Variants in DPYD observed in about 807,000 individuals in gnomAD.
DPYD encodes the protein dihydropyrimidine dehydrogenase.
Under a neutral mutation model 116.2 loss-of-function variants are expected in DPYD, and 109 were observed. That is an observed-to-expected ratio of 0.94 (90% CI 0.80 to 1.10). The LOEUF (loss-of-function observed/expected upper bound fraction) is 1.10. Among genes scored for constraint, DPYD ranks in the 50% least tolerant of loss-of-function variants. The pLI is 0.00. For synonymous variants in DPYD, 440 were observed against 432.0 expected, an observed-to-expected ratio of 1.02 and a Z score of -0.23; for missense variants, 1,302 against 1,254.5, an observed-to-expected ratio of 1.04 and a Z score of -0.57.
At chr1:97,476,748 G>C (rs1378425471) in intron 13 of DPYD, among the ~76,000 whole-genome samples, 4 of 151,860 alleles carry the variant, frequency 2.6e-5, no homozygotes, top group African/African-American at 2.4e-5. Flanking sequence ...AAAAAAAACA[G>C]CTTATATGTC....
intron 8 of DPYD, among the ~76,000 whole-genome samples, chr1:97,654,491 G>A (rs1227177704): frequency 6.6e-6 from 1 of 151,884 alleles, no homozygotes; most frequent in Admixed American, 6.6e-5. Flanking sequence ...AAAAGTTCAG[G>A]GAGTTATAAT....
At chr1:97,245,633 C>G (rs1662669080) in intron 18 of DPYD, among the ~76,000 whole-genome samples, 1 of 152,012 alleles carries the variant, frequency 6.6e-6, no homozygotes, top group Non-Finnish European at 1.5e-5. Flanking sequence ...ATTATAATGA[C>G]AATGATAATG....
intron 18 of DPYD, among the ~76,000 whole-genome samples, chr1:97,299,842 C>A (rs1269625387): frequency 1.3e-5 from 2 of 152,018 alleles, no homozygotes; most frequent in African/African-American, 4.8e-5. Context: ...GGGCCCTGGT[C>A]TCCTGCACAG....
In DPYD at chr1:97,116,713, C is replaced by CAAATA. The variant is rs1176864885; in HGVS notation, c.2623-18086_2623-18082dup. On this transcript the variant is annotated intron_variant, in intron 20 of 22. Transcript: ENST00000370192. ...TAAAAGATACAAATATATAAATATA[C>CAAATA]AAATAAAATGACAAATCATGGATTT... Among the ~76,000 whole-genome samples, 5 of 151,888 alleles carry CAAATA rather than the reference C, an allele frequency of 3.3e-5. No individual in the cohort carries two copies. The East Asian group carries it at 9.7e-4, about 29-fold the overall frequency.
At chr1:97,265,685 G>T (rs957530219) in intron 18 of DPYD, among the ~76,000 whole-genome samples, 2 of 152,234 alleles carry the variant, frequency 1.3e-5, no homozygotes, top group Admixed American at 1.3e-4. Flanking sequence ...GTAGTGTATA[G>T]TTTTTATATC....
chr1:97,642,485 A>C (rs1261685704), intron 8 of DPYD, among the ~76,000 whole-genome samples: 2 of 152,088 alleles, frequency 1.3e-5, no homozygotes, highest in African/African-American at 4.8e-5. Flanking sequence ...AAAACAAGAA[A>C]TGGGGAAAGG....
intron 8 of DPYD, among the ~76,000 whole-genome samples, chr1:97,599,980 G>C (rs573417029): frequency 6.6e-6 from 1 of 151,378 alleles, no homozygotes; most frequent in Non-Finnish European, 1.5e-5. Context: ...GGGAGGCAGA[G>C]GTTGCAGTGA....
intron 18 of DPYD, chr1:97,280,106 G>A (rs1665216301): frequency 6.6e-6 from 1 of 152,120 alleles, no homozygotes. Flanking sequence ...CTCCCTAGCT[G>A]TTAAATTTCA....
intron 20 of DPYD, among the ~76,000 whole-genome samples, chr1:97,130,158 C>A (rs1028539414): frequency 2.6e-5 from 4 of 152,052 alleles, no homozygotes; most frequent in African/African-American, 9.7e-5. Context: ...TTTCTGAATT[C>A]TCTAAATTTT....
intron 20 of DPYD, among the ~76,000 whole-genome samples, chr1:97,119,688 A>C (rs142672040): frequency 2.0e-5 from 3 of 152,248 alleles, no homozygotes; most frequent in Non-Finnish European, 4.4e-5. Context: ...TCATCCTGAC[A>C]GTTTCAGCCC....
chr1:97,422,968 G>C (rs556685795), intron 14 of DPYD, among the ~76,000 whole-genome samples: 28 of 152,004 alleles, frequency 1.8e-4, no homozygotes, highest in African/African-American at 6.5e-4. Flanking sequence ...AATCTGTTTT[G>C]GGTGAACAAT....
intron 20 of DPYD, among the ~76,000 whole-genome samples, chr1:97,135,131 C>T (rs1653687490): frequency 6.6e-6 from 1 of 152,044 alleles, no homozygotes; most frequent in African/African-American, 2.4e-5. Context: ...ATTTTATTAG[C>T]TTAGGTTCAC....
intron 18 of DPYD, among the ~76,000 whole-genome samples, chr1:97,237,241 C>CAA (rs58926889): frequency 0.047 from 2,671 of 57,222 alleles, 275 homozygotes; most frequent in East Asian, 0.099. Context: ...GATTCTGTCT[C>CAA]AAAAAAAAAA....
intron 20 of DPYD, among the ~76,000 whole-genome samples, chr1:97,125,276 T>C (rs150727813): frequency 1.1e-4 from 17 of 152,256 alleles, no homozygotes; most frequent in African/African-American, 3.8e-4. Flanking sequence ...CCTATTTATG[T>C]GGATGAATCT....
chr1:97,605,419 T>A (rs1009259198), intron 8 of DPYD, among the ~76,000 whole-genome samples: 2 of 151,914 alleles, frequency 1.3e-5, no homozygotes, highest in African/African-American at 4.8e-5. Context: ...GATCTGATGG[T>A]TTTATAAGCA....
At chr1:97,180,968 T>C (rs149371858) in intron 20 of DPYD, among the ~76,000 whole-genome samples, 2 of 152,282 alleles carry the variant, frequency 1.3e-5, no homozygotes, top group East Asian at 1.9e-4. Flanking sequence ...GATAAGGCAG[T>C]TGTAGCAGCT....
intron 20 of DPYD, among the ~76,000 whole-genome samples, chr1:97,099,329 C>T (rs1650493365): frequency 2.0e-5 from 3 of 152,144 alleles, no homozygotes; most frequent in Non-Finnish European, 2.9e-5. Flanking sequence ...TATTCAAAAT[C>T]ACATCACGGA....
At chr1:97,287,352 C>T (rs957855880) in intron 18 of DPYD, among the ~76,000 whole-genome samples, 3 of 152,158 alleles carry the variant, frequency 2.0e-5, no homozygotes, top group Non-Finnish European at 4.4e-5. Flanking sequence ...AGGTGCCTCC[C>T]AGTTAGGCTG....
intron 20 of DPYD, among the ~76,000 whole-genome samples, chr1:97,130,733 CCTTT>C (rs1177451480): frequency 6.0e-5 from 6 of 99,768 alleles, no homozygotes; most frequent in Admixed American, 1.0e-4. Flanking sequence ...TTTCTTTCTT[CCTTT>C]CTTTCTTCTT....
Sources: allele counts gnomAD v4.1 joint callset (sites outside exome capture counted in the v4.1 genomes callset), GRCh38; gene constraint gnomAD v4.1.1; transcripts MANE v1.5; gene names NCBI Gene and HGNC (gene_info 2026-07-23, HGNC 2026-07-21).